The following CSMD3 variants were observed in gnomAD, a reference collection of about 807,000 sequenced individuals.
CSMD3 encodes the protein CUB and sushi domain-containing protein 3.
Under a neutral mutation model 435.2 loss-of-function variants are expected in CSMD3, and 177 were observed. That is an observed-to-expected ratio of 0.41 (90% CI 0.36 to 0.46). CSMD3 has a LOEUF of 0.46. CSMD3 is among the 20% of genes least tolerant of loss of function. CSMD3 has a pLI of 0.34. For missense variants in CSMD3, 4,265 were observed against 4,504.6 expected (o/e 0.95, Z 1.52); for synonymous variants, 1,656 against 1,520.5 (o/e 1.09, Z -2.07).
chr8:112,245,300 T>C (rs1349959682), intron 64 of CSMD3, among the ~76,000 whole-genome samples: 1 of 152,128 alleles, frequency 6.6e-6, no homozygotes, highest in African/African-American at 2.4e-5. Flanking sequence ...GACCATTCCT[T>C]TCTCCGTCAG....
At chr8:113,114,219 C>T (rs1290678824) in intron 4 of CSMD3, among the ~76,000 whole-genome samples, 2 of 151,956 alleles carry the variant, frequency 1.3e-5, no homozygotes, top group African/African-American at 2.4e-5. Context: ...AAAATGTGAA[C>T]AATTATGTGT....
intron 13 of CSMD3, among the ~76,000 whole-genome samples, chr8:112,734,553 A>G (rs987672306): frequency 2.0e-5 from 3 of 151,998 alleles, no homozygotes; most frequent in Non-Finnish European, 4.4e-5. Flanking sequence ...ATGATATAAC[A>G]TTAGTTCTTC....
chr8:112,481,469 A>G (rs1398033200), intron 31 of CSMD3, among the ~76,000 whole-genome samples: 1 of 152,170 alleles, frequency 6.6e-6, no homozygotes, highest in Non-Finnish European at 1.5e-5. Context: ...ACAGAAAGCA[A>G]GTTAGGTACT....
chr8:112,280,853 A>G (rs903905596), intron 59 of CSMD3, among the ~76,000 whole-genome samples: 5 of 152,148 alleles, frequency 3.3e-5, no homozygotes, highest in Admixed American at 1.3e-4. Context: ...ATAAAATTGC[A>G]TCCATTCTAT....
intron 1 of CSMD3, among the ~76,000 whole-genome samples, chr8:113,405,388 C>A (rs184910480): frequency 6.6e-6 from 1 of 151,520 alleles, no homozygotes; most frequent in Non-Finnish European, 1.5e-5. Flanking sequence ...AAATGTGAAT[C>A]ATAATGTCTA....
chr8:112,602,013 T>C (rs1017535238), intron 22 of CSMD3, among the ~76,000 whole-genome samples: 1 of 152,174 alleles, frequency 6.6e-6, no homozygotes, highest in Non-Finnish European at 1.5e-5. Context: ...GAGAAGCCGA[T>C]GGGAGCAGAT....
chr8:112,624,532 A>G (rs931300310), intron 22 of CSMD3, among the ~76,000 whole-genome samples: 1 of 152,088 alleles, frequency 6.6e-6, no homozygotes, highest in Non-Finnish European at 1.5e-5. Flanking sequence ...TCTATTCTTT[A>G]CATCTAGCTT....
chr8:113,192,919 G>A (rs1025552761), intron 3 of CSMD3, among the ~76,000 whole-genome samples: 4 of 151,510 alleles, frequency 2.6e-5, no homozygotes, highest in African/African-American at 7.3e-5. Context: ...TAAGTAAAAC[G>A]CTGAATAAAT....
intron 27 of CSMD3, among the ~76,000 whole-genome samples, chr8:112,527,543 T>C (rs1187860626): frequency 6.6e-6 from 1 of 151,972 alleles, no homozygotes; most frequent in African/African-American, 2.4e-5. Flanking sequence ...GTAATGATAT[T>C]GAATAATTAA....
At chr8:112,503,284 T>C (rs1822168879) in intron 30 of CSMD3, among the ~76,000 whole-genome samples, 1 of 152,174 alleles carries the variant, frequency 6.6e-6, no homozygotes, top group Non-Finnish European at 1.5e-5. Context: ...GCTCTCACTA[T>C]GTTTCTTAGG....
At chr8:112,639,219 T>C (rs2074748902) in intron 20 of CSMD3, among the ~76,000 whole-genome samples, 1 of 152,064 alleles carries the variant, frequency 6.6e-6, no homozygotes, top group Non-Finnish European at 1.5e-5. Flanking sequence ...TATCTTTTGT[T>C]TATAATAGAG....
At chr8:112,829,131 G>A (rs1264685026) in intron 12 of CSMD3, among the ~76,000 whole-genome samples, 7 of 152,146 alleles carry the variant, frequency 4.6e-5, no homozygotes, top group Non-Finnish European at 1.0e-4. Context: ...TGTCTATGCT[G>A]ATACTAATTT....
At chr8:113,162,506 A>T (rs1193123355) in intron 4 of CSMD3, among the ~76,000 whole-genome samples, 1 of 149,782 alleles carries the variant, frequency 6.7e-6, no homozygotes, top group African/African-American at 2.5e-5. Context: ...CAGAGGTTGC[A>T]GTGAGCTGAG....
chr8:112,551,503 A>G (rs1270460323), intron 26 of CSMD3, among the ~76,000 whole-genome samples: 3 of 152,124 alleles, frequency 2.0e-5, no homozygotes, highest in African/African-American at 7.2e-5. Flanking sequence ...CTCTACATAC[A>G]ATACATTTAT....
chr8:113,208,698 G>A (rs1447127330), intron 3 of CSMD3, among the ~76,000 whole-genome samples: 2 of 151,966 alleles, frequency 1.3e-5, no homozygotes, highest in African/African-American at 4.8e-5. Context: ...ATAAGTACAT[G>A]AAGAAAAATT....
intron 40 of CSMD3, among the ~76,000 whole-genome samples, chr8:112,349,880 C>T (rs550673989): frequency 1.3e-5 from 2 of 152,098 alleles, no homozygotes; most frequent in African/African-American, 4.8e-5. Context: ...ATTATGTCCC[C>T]CCAAAATTTA....
chr8:112,641,032 C>G (rs1477890257), intron 20 of CSMD3, among the ~76,000 whole-genome samples: 1 of 151,926 alleles, frequency 6.6e-6, no homozygotes, highest in Non-Finnish European at 1.5e-5. Flanking sequence ...CTTTCTGAGC[C>G]CTACTTTCTC....
intron 9 of CSMD3, among the ~76,000 whole-genome samples, chr8:112,926,259 A>T (rs181046778): frequency 1.0e-4 from 10 of 95,620 alleles, no homozygotes; most frequent in African/African-American, 3.8e-4. Flanking sequence ...TGTGTGTGTG[A>T]GCGTGTGTGT....
At chr8:112,733,282 C>A (rs893152448) in intron 13 of CSMD3, among the ~76,000 whole-genome samples, 1 of 152,034 alleles carries the variant, frequency 6.6e-6, no homozygotes, top group African/African-American at 2.4e-5. Flanking sequence ...CATATTGACA[C>A]ATACTTTATT....
Sources: allele counts gnomAD v4.1 joint callset (sites outside exome capture counted in the v4.1 genomes callset), GRCh38; gene constraint gnomAD v4.1.1; transcripts MANE v1.5; gene names NCBI Gene and HGNC (gene_info 2026-07-23, HGNC 2026-07-21).